Variants in CD44 observed in about 807,000 individuals in gnomAD.
The protein encoded by CD44 is CD44 antigen.
A neutral mutation model predicts 88.8 loss-of-function variants in CD44; 49 were observed. That is an observed-to-expected ratio of 0.55 (90% CI 0.44 to 0.70). The LOEUF (loss-of-function observed/expected upper bound fraction) is 0.70. CD44 is among the 30% of genes least tolerant of loss of function. The pLI, the probability that CD44 is intolerant of heterozygous loss-of-function variation, is 0.00. For synonymous variants in CD44, 325 were observed against 312.3 expected (o/e 1.04, Z -0.43); for missense variants, 883 against 913.8 (o/e 0.97, Z 0.43).
At chr11:35,152,487 A>AT (rs1860512625) in intron 1 of CD44, among the ~76,000 whole-genome samples, 1 of 152,218 alleles carries the variant, frequency 6.6e-6, no homozygotes, top group Admixed American at 6.5e-5. Flanking sequence ...TAATGGTTCA[A>AT]TATACTGTGT....
intron 5 of CD44, 154 bp downstream of exon 5, chr11:35,190,219 T>C (rs1946133845): frequency 1.5e-6 from 1 of 653,494 alleles, no homozygotes; most frequent in East Asian, 2.7e-5. Flanking sequence ...CTTGTGGTTG[T>C]CAGTAAACTG....
chr11:35,152,326 C>T (rs1008856438), intron 1 of CD44, among the ~76,000 whole-genome samples: 1 of 152,314 alleles, frequency 6.6e-6, no homozygotes, highest in African/African-American at 2.4e-5. Context: ...GCTACCTGGG[C>T]AGGTAAGATA....
chr11:35,167,698 T>C (rs353626), intron 1 of CD44, among the ~76,000 whole-genome samples: 42,799 of 152,172 alleles, frequency 0.28, 6,266 homozygotes, highest in South Asian at 0.37. Flanking sequence ...CCCAGAGAGC[T>C]ATGTTCCAGC....
chr11:35,156,440 C>A (rs1941875757), intron 1 of CD44, among the ~76,000 whole-genome samples: 1 of 152,192 alleles, frequency 6.6e-6, no homozygotes, highest in South Asian at 2.1e-4. Flanking sequence ...GGTGCCGGTT[C>A]TTTTCAGTAT....
intron 1 of CD44, among the ~76,000 whole-genome samples, chr11:35,167,467 C>T (rs1414458820): frequency 6.6e-6 from 1 of 152,162 alleles, no homozygotes; most frequent in African/African-American, 2.4e-5. Flanking sequence ...GTCCTTTTCC[C>T]TTCCTACTTC....
chr11:35,212,358 C>A lies in CD44; in HGVS notation c.1810+909C>A, dbSNP rs548308031. Among the ~76,000 whole-genome samples, 7 of 151,774 alleles carry A rather than the reference C, an allele frequency of 4.6e-5. No individual in the cohort carries two copies. The East Asian group carries it at 5.8e-4, about 13-fold the overall frequency. ...GGAGCAGAGATCTTCTCTCCTCCCC[C>A]CAAAAAAGAAAAAGAAGAATTCATA... On this transcript the variant is annotated intron_variant, in intron 14 of 17. Coordinates refer to ENST00000428726, the MANE Select transcript of CD44 (RefSeq NM_000610.4).
chr11:35,219,597 G>A (rs1949123226), intron 16 of CD44, among the ~76,000 whole-genome samples: 1 of 152,194 alleles, frequency 6.6e-6, no homozygotes, highest in Admixed American at 6.5e-5. Flanking sequence ...CCTGGGTTCT[G>A]CAAACTAGCT....
intron 15 of CD44, 175 bp downstream of exon 15, chr11:35,215,089 C>T (rs969614752): frequency 1.1e-4 from 44 of 411,044 alleles, no homozygotes; most frequent in Non-Finnish European, 1.8e-4. Context: ...CCTTAAGGTT[C>T]CTGATTCAGT....
intron 1 of CD44, among the ~76,000 whole-genome samples, chr11:35,155,153 G>A (rs1377303990): frequency 1.3e-5 from 2 of 152,166 alleles, no homozygotes; most frequent in Non-Finnish European, 2.9e-5. Context: ...GGGGTCACAT[G>A]CCCACACCTA....
intron 7 of CD44, chr11:35,198,566 G>T (rs928161417): frequency 4.1e-6 from 1 of 242,718 alleles, no homozygotes; most frequent in Non-Finnish European, 8.0e-6. Flanking sequence ...TGTACATTGT[G>T]TACTTACTGT....
chr11:35,146,118 G>T (rs939073814), intron 1 of CD44, among the ~76,000 whole-genome samples: 1 of 152,170 alleles, frequency 6.6e-6, no homozygotes, highest in Non-Finnish European at 1.5e-5. Flanking sequence ...AGTTTGAGTT[G>T]CACTGGCTGC....
At chr11:35,174,764 A>G (rs1944276359) in intron 1 of CD44, among the ~76,000 whole-genome samples, 1 of 152,238 alleles carries the variant, frequency 6.6e-6, no homozygotes, top group Admixed American at 6.5e-5. Flanking sequence ...CCAATATATT[A>G]AAAGTGTGTT....
intron 15 of CD44, among the ~76,000 whole-genome samples, chr11:35,216,058 G>A (rs1318823412): frequency 6.6e-6 from 1 of 151,566 alleles, no homozygotes; most frequent in East Asian, 1.9e-4. Context: ...AGAGTTGACA[G>A]GACCAGAGAG....
At chr11:35,164,508 G>A (rs1440143434) in intron 1 of CD44, among the ~76,000 whole-genome samples, 1 of 152,216 alleles carries the variant, frequency 6.6e-6, no homozygotes, top group Admixed American at 6.5e-5. Context: ...AGATGCCGTG[G>A]GCTGTGTGTT....
At chr11:35,154,641 C>G (rs1941614499) in intron 1 of CD44, among the ~76,000 whole-genome samples, 1 of 152,186 alleles carries the variant, frequency 6.6e-6, no homozygotes. Flanking sequence ...CTTTCTCACT[C>G]ACTTTTACTC....
chr11:35,158,127 C>G (rs532472680), intron 1 of CD44, among the ~76,000 whole-genome samples: 2 of 152,200 alleles, frequency 1.3e-5, no homozygotes, highest in Non-Finnish European at 2.9e-5. Context: ...CTGGAAAACT[C>G]ATCTGGTTTC....
At chr11:35,210,127 C>T in intron 13 of CD44, 73 bp downstream of exon 13, 1 of 827,526 alleles carries the variant, frequency 1.2e-6, no homozygotes, top group Non-Finnish European at 1.9e-6. Context: ...TTTGCAGTGT[C>T]TTTGGTGGAG....
intron 16 of CD44, 57 bp from the exon 17 acceptor site, chr11:35,221,597 G>GTTT: frequency 4.1e-6 from 6 of 1,480,352 alleles, no homozygotes; most frequent in Non-Finnish European, 5.7e-6. Context: ...GTGCATTTTT[G>GTTT]TTTTTACAAA....
At chr11:35,170,102 T>C (rs531161324) in intron 1 of CD44, among the ~76,000 whole-genome samples, 2 of 152,228 alleles carry the variant, frequency 1.3e-5, no homozygotes, top group Non-Finnish European at 2.9e-5. Flanking sequence ...ATATCAAGTG[T>C]TTGACATACC....
Sources: gnomAD v4.1 joint callset for allele counts (sites outside exome capture counted in the v4.1 genomes callset) on GRCh38, gnomAD v4.1.1 for gene constraint, MANE v1.5 for transcripts, NCBI Gene and HGNC (gene_info 2026-07-23, HGNC 2026-07-21) for gene names.